YLPM1: variants seen among roughly 807,000 people sequenced by gnomAD.
YLPM1 encodes YLP motif-containing protein 1.
Under a neutral mutation model 230.0 loss-of-function variants are expected in YLPM1, and 99 were observed. The observed-to-expected ratio is 0.43, with a 90% CI of 0.37 to 0.51. YLPM1 has a LOEUF of 0.51. YLPM1 is among the 20% of genes least tolerant of loss of function. YLPM1 has a pLI of 0.00. For missense variants in YLPM1, 2,592 were observed against 2,707.7 expected (o/e 0.96, Z 0.95); for synonymous variants, 984 against 942.5 (o/e 1.04, Z -0.81).
At chr14:74,808,672 C>T (rs1363667964) in intron 6 of YLPM1, among the ~76,000 whole-genome samples, 8 of 151,856 alleles carry the variant, frequency 5.3e-5, no homozygotes, top group Admixed American at 6.6e-5. Flanking sequence ...GGCGTGGTGG[C>T]GGGTGCCTGT....
intron 4 of YLPM1, among the ~76,000 whole-genome samples, chr14:74,793,009 T>C (rs1441596273): frequency 6.6e-6 from 1 of 152,210 alleles, no homozygotes; most frequent in Non-Finnish European, 1.5e-5. Context: ...TTCCTCAAGG[T>C]TTTAGGATCA....
chr14:74,826,091 A>G lies in YLPM1; in HGVS notation c.6163+1784A>G, dbSNP rs143619256. ...CAGTGAAAGGCACTGAAGATCTGGT[A>G]ATAAATCTAGGAAATAAATTTTAAC... is the stretch of plus-strand genomic sequence containing the variant. On this transcript the variant is annotated intron_variant, in intron 18 of 20. Transcript: ENST00000325680. Among the ~76,000 whole-genome samples the G allele has an allele frequency of 2.3e-4, 35 of 152,320 alleles. No homozygotes were observed. The East Asian group carries it at 6.4e-3, about 28-fold the overall frequency.
At position 74,802,635 on chromosome 14, in the gene YLPM1, T is replaced by C; in HGVS notation, c.4480T>C (p.Ser1494Pro). ...QMADHLPPQESRLQNTSSRPG... is the reference protein window; with the variant it reads ...QMADHLPPQEPRLQNTSSRPG... ...GGCTGACCATCTACCACCTCAGGAATCAAGATTGCAGAATACATCTTCAAG... is the reference window on the plus strand; with the variant it reads ...GGCTGACCATCTACCACCTCAGGAACCAAGATTGCAGAATACATCTTCAAG... Residue 1494 changes from serine to proline, a missense_variant, in exon 6 of 21, where the codon TCA becomes CCA. Physicochemically the swap from Ser to Pro is moderately conservative, Grantham distance 74. Around this residue, in one of 4 missense-constraint regions of YLPM1, gnomAD observed 403 missense variants for 426.7 expected, o/e 0.94. Transcript: ENST00000325680. The C allele has an allele frequency of 6.2e-7, 1 of 1,613,454 alleles. No homozygotes were observed. Among genetic ancestry groups the C allele is most frequent in the East Asian group, 2.2e-5 (1 of 44,826 alleles).
At chr14:74,828,019 T>C (rs1230799582) in intron 18 of YLPM1, 4 of 984,870 alleles carry the variant, frequency 4.1e-6, no homozygotes, top group Non-Finnish European at 4.8e-6. Context: ...TGATAATCAC[T>C]TTTATGGGAA....
chr14:74,807,120 T>G (rs1294538376), intron 6 of YLPM1, among the ~76,000 whole-genome samples: 1 of 152,140 alleles, frequency 6.6e-6, no homozygotes, highest in Non-Finnish European at 1.5e-5. Flanking sequence ...TTACCTCCAG[T>G]CAAATAATGT....
intron 18 of YLPM1, among the ~76,000 whole-genome samples, chr14:74,825,412 A>G (rs994310641): frequency 1.3e-5 from 2 of 152,070 alleles, no homozygotes; most frequent in African/African-American, 2.4e-5. Flanking sequence ...TTTTTAGTTT[A>G]TGTCATGTGA....
rs983147846 is a variant in YLPM1, at chr14:74,763,353, A to C, written c.-137A>C. 2.7e-6 allele frequency: 3 copies of C among 1,101,768 alleles called. No homozygotes were observed. Among genetic ancestry groups the C allele is most frequent in the African/African-American group, 3.3e-5 (2 of 61,262 alleles). The allele number at this position is 1,101,768 out of a possible 1,614,324, so 68.2% of individuals were successfully genotyped here. On this transcript the variant is annotated 5_prime_UTR_variant, in exon 1 of 21. Transcript: ENST00000325680. ...GGGCCCAGCTCGGGAGCGCCGGCGCACTGGCGCGCTCCGTTTACACGCTCC... is the reference window on the plus strand; with the variant it reads ...GGGCCCAGCTCGGGAGCGCCGGCGCCCTGGCGCGCTCCGTTTACACGCTCC...
chr14:74,817,457 G>A (rs1371464100), intron 15 of YLPM1, among the ~76,000 whole-genome samples, 180 bp downstream of exon 15: 1 of 152,168 alleles, frequency 6.6e-6, no homozygotes, highest in Non-Finnish European at 1.5e-5. Context: ...GTTGCCTACA[G>A]TATTCAGTAC....
chr14:74,773,910 G>A (rs994363950), intron 1 of YLPM1, among the ~76,000 whole-genome samples: 2 of 151,634 alleles, frequency 1.3e-5, no homozygotes, highest in South Asian at 2.1e-4. Context: ...TAGTAGAGGC[G>A]AGGTTTCACC....
chr14:74,764,456 C>G, intron 1 of YLPM1, 94 bp downstream of exon 1: 1 of 1,394,736 alleles, frequency 7.2e-7, no homozygotes, highest in South Asian at 1.5e-5. Context: ...CTAATTCCAA[C>G]ACACAATGAC....
chr14:74,777,639 T>C (rs1418931724), intron 1 of YLPM1, among the ~76,000 whole-genome samples: 1 of 151,834 alleles, frequency 6.6e-6, no homozygotes, highest in African/African-American at 2.4e-5. Context: ...TATATGTGTG[T>C]ACATCTGAGT....
chr14:74,835,810 C>T lies in YLPM1; in HGVS notation c.*72C>T, dbSNP rs148396410. The T allele has an allele frequency of 2.6e-5, 12 of 456,866 alleles. No homozygotes were observed. The highest frequency in any genetic ancestry group is 1.0e-4 in the African/African-American group (5 of 50,104). 28.3% of individuals were successfully genotyped at this position (456,866 alleles called of 1,614,324 possible). A position where few individuals can be genotyped will look rare whatever the true frequency, so the allele number is the denominator to read the frequency against. On this transcript the variant is annotated 3_prime_UTR_variant, in exon 21 of 21. Transcript: ENST00000325680. ...TTGAGGTGGTCTGAAGCCAAGGCCT[C>T]GCGGAGCTTCTTTGTGTGTCACCTT...
rs756736824 is a variant in YLPM1, at chr14:74,764,056, G to A, written c.567G>A (p.Pro189=). Residue 189 remains proline (P), a synonymous_variant, in exon 1 of 21, where the codon CCG becomes CCA. Transcript: ENST00000325680. Reference sequence around the variant, plus strand: ...AGCCCTACCTGCCTCCTGCTCAGCCGTCCCCTTCGCAGTCCCCACCTTCCC... The same window carrying A: ...AGCCCTACCTGCCTCCTGCTCAGCCATCCCCTTCGCAGTCCCCACCTTCCC... The part of the protein sequence containing the change: ...SSQPYLPPAQ[P]SPSQSPPSQS... 1 of 1,605,096 alleles carries A rather than the reference G, an allele frequency of 6.2e-7. No individual in the cohort carries two copies. Among genetic ancestry groups the A allele is most frequent in the Non-Finnish European group, 8.5e-7 (1 of 1,176,806 alleles).
chr14:74,782,680 T>C (rs1594815541), intron 4 of YLPM1, among the ~76,000 whole-genome samples: 1 of 152,218 alleles, frequency 6.6e-6, no homozygotes, highest in South Asian at 2.1e-4. Flanking sequence ...GCAATTACTA[T>C]TTGTTAGATA....
rs370499810 is a variant in YLPM1, at chr14:74,764,586, G to A, written c.873+224G>A. Reference sequence around the variant, plus strand: ...TAGATGTGTATGGATTACATACAGTGGTGGGGTGGCTCAAAAGTTACCTCT... The same window carrying A: ...TAGATGTGTATGGATTACATACAGTAGTGGGGTGGCTCAAAAGTTACCTCT... On this transcript the variant is annotated intron_variant, in intron 1 of 20. Transcript: ENST00000325680. Among the ~76,000 whole-genome samples the A allele has an allele frequency of 3.3e-5, 5 of 152,338 alleles. 1 individual carries two copies. Among genetic ancestry groups the A allele is most frequent in the African/African-American group, 1.2e-4 (5 of 41,576 alleles).
rs780724581 is a variant in YLPM1 at position 74,810,044 on chromosome 14, G to T, written c.5032+42G>T. Reference sequence around the variant, plus strand: ...GGTCAGTATTTTTAAACATTTTAGGGCCTAATTATCACATGATTTTCCTTT... The same window carrying T: ...GGTCAGTATTTTTAAACATTTTAGGTCCTAATTATCACATGATTTTCCTTT... On this transcript the variant is annotated intron_variant, in intron 8 of 20. Transcript: ENST00000325680. 5.2e-6 allele frequency: 8 copies of T among 1,531,034 alleles called. No individual in the cohort carries two copies. In the Middle Eastern group the frequency reaches 5.1e-4, roughly 98 times the overall value. The allele number at this position is 1,531,034 out of a possible 1,614,324, so 94.8% of individuals were successfully genotyped here.
At chr14:74,815,656 T>C (rs1035205569) in intron 11 of YLPM1, among the ~76,000 whole-genome samples, 1 of 152,238 alleles carries the variant, frequency 6.6e-6, no homozygotes, top group Non-Finnish European at 1.5e-5. Context: ...TTCTATTTTA[T>C]TAACTTCTGC....
At chr14:74,779,227 AAAGGAAGATG>A (rs2091070314) in intron 2 of YLPM1, among the ~76,000 whole-genome samples, 1 of 152,144 alleles carries the variant, frequency 6.6e-6, no homozygotes, top group Non-Finnish European at 1.5e-5. Context: ...TCTAAGCACT[AAAGGAAGATG>A]CCAGCATATG....
intron 18 of YLPM1, among the ~76,000 whole-genome samples, chr14:74,825,900 A>C (rs748888678): frequency 7.0e-4 from 107 of 152,274 alleles, no homozygotes; most frequent in Admixed American, 7.2e-4. Flanking sequence ...TGTGATGATT[A>C]TTCAAGAATA....
Sources: gnomAD v4.1 joint callset for allele counts (sites outside exome capture counted in the v4.1 genomes callset) on GRCh38, gnomAD v4.1.1 for gene constraint, gnomAD v4.1.1 regional missense constraint, MANE v1.5 for transcripts, NCBI Gene and HGNC (gene_info 2026-07-23, HGNC 2026-07-21) for gene names.